TOP2A: variants seen among roughly 807,000 people sequenced by gnomAD.
The protein encoded by TOP2A is DNA topoisomerase 2-alpha.
Under a neutral mutation model 187.2 loss-of-function variants are expected in TOP2A, and 68 were observed. The ratio of observed to expected loss-of-function variants is 0.36; its 90% CI spans 0.30 to 0.44. The LOEUF (loss-of-function observed/expected upper bound fraction) is 0.44. Ranked by LOEUF, TOP2A falls within the 20% of genes least tolerant of loss-of-function variation. TOP2A has a pLI of 1.00. For missense variants in TOP2A, 1,196 were observed against 1,808.7 expected (o/e 0.66, Z 6.14); for synonymous variants, 542 against 593.2 (o/e 0.91, Z 1.25).
Position 40,391,606 on chromosome 17 carries a change from T to C in TOP2A, c.4167A>G (p.Pro1389=), listed in dbSNP as rs753732959. ...GTGTAGCAGGAGGGCTTGAAGACAG[T>C]GGTACACTGCCCTTAACATCATCAG... The part of the protein sequence containing the change: ...LEADDVKGSV[P]LSSSPPATHF... The change falls in exon 33 of 35, where the codon CCA becomes CCG. Residue 1389 remains proline, a synonymous_variant. Coordinates refer to ENST00000423485, the MANE Select transcript of TOP2A (RefSeq NM_001067.4). 5.0e-6 allele frequency: 8 copies of C among 1,611,356 alleles called. No homozygotes were observed. The highest frequency in any genetic ancestry group is 6.8e-6 in the Non-Finnish European group (8 of 1,178,814).
At chr17:40,396,920 C>G (rs533748408) in intron 27 of TOP2A, among the ~76,000 whole-genome samples, 61 of 145,314 alleles carry the variant, frequency 4.2e-4, no homozygotes, top group Middle Eastern at 3.6e-3. Flanking sequence ...TTTTAAGAGA[C>G]ACGCAGGCTG....
chr17:40,406,443 T>C lies in TOP2A; in HGVS notation c.1894A>G (p.Lys632Glu), dbSNP rs756175908. The change falls in exon 16 of 35, where the codon AAA becomes GAA. Residue 632 changes from lysine (K) to glutamate (E), a missense_variant. Physicochemically the swap from Lys to Glu is moderately conservative, Grantham distance 56 (BLOSUM62 1). This residue lies in a region of TOP2A where 209 missense variants were observed against 376.9 expected (regional missense o/e 0.55). Coordinates refer to ENST00000423485, the MANE Select transcript of TOP2A (RefSeq NM_001067.4). ...TATTTGAACTGGATACGATGTCTTT[T>C]CATATCTGCAAAGTATTCTTTAGCT... ...KEAKEYFADM[K>E]RHRIQFKYSG... The C allele has an allele frequency of 6.2e-7, 1 of 1,613,900 alleles. No individual in the cohort carries two copies. Among genetic ancestry groups the C allele is most frequent in the Non-Finnish European group, 8.5e-7 (1 of 1,179,828 alleles).
chr17:40,399,377 T>C, intron 24 of TOP2A: 1 of 447,682 alleles, frequency 2.2e-6, no homozygotes, highest in Non-Finnish European at 4.0e-6. Context: ...CTCTCACTCT[T>C]GTGTCCAGGC....
chr17:40,401,166 T>A (rs1276852053), intron 20 of TOP2A, 85 bp from the exon 21 acceptor site: 1 of 1,185,476 alleles, frequency 8.4e-7, no homozygotes, highest in Non-Finnish European at 1.2e-6. Flanking sequence ...GTATTATACA[T>A]GAAAATTATC....
chr17:40,393,566 A>G (rs553654305), intron 29 of TOP2A, among the ~76,000 whole-genome samples: 30 of 152,316 alleles, frequency 2.0e-4, no homozygotes, highest in African/African-American at 7.2e-4. Flanking sequence ...GACTCCATAC[A>G]TAAACCTTAA....
At chr17:40,398,258 C>A (rs2035128064) in intron 27 of TOP2A, among the ~76,000 whole-genome samples, 1 of 151,576 alleles carries the variant, frequency 6.6e-6, no homozygotes, top group Admixed American at 6.6e-5. Flanking sequence ...TATGCACCAT[C>A]ATGCCTGGCT....
Position 40,392,626 on chromosome 17 carries a change from A to G in TOP2A, c.3923T>C (p.Phe1308Ser), listed in dbSNP as rs1303771916. ...ESDRSSDESN[F>S]DVPPRETEPR... Reference sequence around the variant, plus strand: ...CTCTGTTTCTCGTGGAGGGACATCAAAATTACTTTCGTCACTGCTCCTATC... The same window carrying G: ...CTCTGTTTCTCGTGGAGGGACATCAGAATTACTTTCGTCACTGCTCCTATC... Residue 1308 changes from phenylalanine to serine, a missense_variant, in exon 30 of 35, where the codon TTT becomes TCT. By Grantham distance (155) the Phe-to-Ser change is radical (BLOSUM62 -2). Around this residue, in one of 10 missense-constraint regions of TOP2A, gnomAD observed 374 missense variants for 403.3 expected, o/e 0.93. Coordinates refer to ENST00000423485, the MANE Select transcript of TOP2A (RefSeq NM_001067.4). The G allele has an allele frequency of 6.2e-7, 1 of 1,613,018 alleles. No homozygotes were observed. The highest frequency in any genetic ancestry group is 1.3e-5 in the African/African-American group (1 of 74,850).
intron 19 of TOP2A, among the ~76,000 whole-genome samples, chr17:40,403,329 C>A (rs2035203786): frequency 6.6e-6 from 1 of 152,170 alleles, no homozygotes; most frequent in Non-Finnish European, 1.5e-5. Context: ...CTTTGTGTTA[C>A]AATGCTGTGT....
At chr17:40,396,048 T>C (rs2143634500) in intron 28 of TOP2A, among the ~76,000 whole-genome samples, 1 of 151,474 alleles carries the variant, frequency 6.6e-6, no homozygotes, top group Non-Finnish European at 1.5e-5. Context: ...GGTGTGACCT[T>C]GGCTCACTGC....
Position 40,390,128 on chromosome 17 carries a change from CT to C in TOP2A, c.4303del (p.Arg1435GlyfsTer13), listed in dbSNP as rs758129598. On this transcript the variant is annotated frameshift_variant, in exon 34 of 35. Transcript: ENST00000423485. LOFTEE classifies it high-confidence loss of function. ...CCTTTTAGTTCCTTTTGGGGCAGCC[CT>C]TTTTTTGGCACCGGTAGTGGAGGTG... Reference protein sequence around the residue: ...SSTSTTGAKKRAAPKGTKRDP... With the variant: ...SSTSTTGAKKXAAPKGTKRDP... 6 of 1,613,096 alleles carry C rather than the reference CT, an allele frequency of 3.7e-6. No homozygotes were observed. The highest frequency in any genetic ancestry group is 3.3e-5 in the South Asian group (3 of 90,924).
At position 40,396,405 on chromosome 17, in the gene TOP2A, C is replaced by A. The variant is rs778849461; in HGVS notation, c.3598G>T (p.Ala1200Ser). The change falls in exon 28 of 35, where the codon GCC becomes TCC. Residue 1200 changes from alanine to serine, a missense_variant. Ala to Ser is a moderately conservative substitution (Grantham distance 99). Coordinates refer to ENST00000423485, the MANE Select transcript of TOP2A (RefSeq NM_001067.4). ...QVGLPGKGGK[A>S]KGKKTQMAEV... ...GCCATTTGTGTTTTTTTCCCCTTGG[C>A]CTTCCCCCCTTTCCCAGGAAGTCCG... The A allele has an allele frequency of 5.0e-6, 8 of 1,613,780 alleles. No individual in the cohort carries two copies. In the Admixed American group the frequency reaches 5.0e-5, roughly 10 times the overall value.
chr17:40,389,651 A>G lies in TOP2A; in HGVS notation c.4468-4T>C, dbSNP rs1449176812. Reference sequence around the variant, plus strand: ...CATCACTCTCCCCCTTGGATTTCTAAAAGAGAAAAGCCCAGGTAACTTGCA... The same window carrying G: ...CATCACTCTCCCCCTTGGATTTCTAGAAGAGAAAAGCCCAGGTAACTTGCA... On this transcript the variant is annotated splice_region_variant and splice_polypyrimidine_tract_variant and intron_variant, in intron 34 of 34. Coordinates refer to ENST00000423485, the MANE Select transcript of TOP2A (RefSeq NM_001067.4). 1 of 1,607,462 alleles carries G rather than the reference A, an allele frequency of 6.2e-7. No homozygotes were observed. The highest frequency in any genetic ancestry group is 1.3e-5 in the African/African-American group (1 of 74,854).
chr17:40,411,425 G>A lies in TOP2A; in HGVS notation c.994C>T (p.Gln332Ter). 1 of 1,613,722 alleles carries A rather than the reference G, an allele frequency of 6.2e-7. No individual in the cohort carries two copies. The highest frequency in any genetic ancestry group is 8.5e-7 in the Non-Finnish European group (1 of 1,179,796). ...GGRHVDYVAD[Q>*]IVTKLVDVVK... ...ACATCAACAAGTTTAGTCACAATCT[G>A]ATCAGCTACATAATCAACATGTCTG... Residue 332 changes from glutamine to a stop codon, truncating the protein, a stop_gained, in exon 9 of 35, where the codon CAG becomes TAG. Coordinates refer to ENST00000423485, the MANE Select transcript of TOP2A (RefSeq NM_001067.4). LOFTEE classifies it high-confidence loss of function. This position sits in a 1 kb window ranked among gnomAD's most constrained non-coding sequence, Gnocchi z 4.4.
rs1178535646 is a variant in TOP2A at position 40,399,984 on chromosome 17, T to C, written c.3084A>G (p.Lys1028=). 1 of 1,613,304 alleles carries C rather than the reference T, an allele frequency of 6.2e-7. No homozygotes were observed. The highest frequency in any genetic ancestry group is 8.5e-7 in the Non-Finnish European group (1 of 1,179,678). The part of the protein sequence containing the change: ...ILRDFFELRL[K]YYGLRKEWLL... ...GCCATTCTTTTCTTAATCCATAATA[T>C]TTAAGTCTGAGTTCAAAAAAGTCTC... Residue 1028 remains lysine, a synonymous_variant, in exon 24 of 35, where the codon AAA becomes AAG. Coordinates refer to ENST00000423485, the MANE Select transcript of TOP2A (RefSeq NM_001067.4).
rs768440672 is a variant in TOP2A, at chr17:40,411,573, T to C, written c.963+72A>G. 6.4e-7 allele frequency: 1 copy of C among 1,558,496 alleles called. No individual in the cohort carries two copies. ...GCTAGCCCAATATTCAAGTCCACTT[T>C]ATATATTAAAAACAATAAGAACACA... On this transcript the variant is annotated intron_variant, in intron 8 of 34. Transcript: ENST00000423485. The surrounding 1 kb of genome is among the most constrained non-coding windows in gnomAD (Gnocchi z 4.4).
Position 40,412,988 on chromosome 17 carries a change from T to C in TOP2A, c.577-17A>G, listed in dbSNP as rs754698922. On this transcript the variant is annotated splice_polypyrimidine_tract_variant and intron_variant, in intron 6 of 34. Transcript: ENST00000423485. Reference sequence around the variant, plus strand: ...CATCCATGTCTATGGAAGTAAAGAATAGGAAACATGAAAAATTCAAGTCAT... The same window carrying C: ...CATCCATGTCTATGGAAGTAAAGAACAGGAAACATGAAAAATTCAAGTCAT... The C allele has an allele frequency of 3.1e-6, 5 of 1,588,298 alleles. No homozygotes were observed. The highest frequency in any genetic ancestry group is 4.5e-5 in the East Asian group (2 of 44,620).
chr17:40,412,641 C>A, intron 7 of TOP2A, 118 bp downstream of exon 7: 1 of 887,892 alleles, frequency 1.1e-6, no homozygotes, highest in Non-Finnish European at 1.7e-6. Context: ...GAGACTCTGT[C>A]TCAAACAAAC....
chr17:40,389,912 T>A (rs566442603), intron 34 of TOP2A, 53 bp downstream of exon 34: 1 of 1,528,732 alleles, frequency 6.5e-7, no homozygotes, highest in East Asian at 2.3e-5. Context: ...AATGGCTTAG[T>A]TACGTGTTTC....
chr17:40,417,526 G>A (rs1433504140), intron 1 of TOP2A: 3 of 1,419,988 alleles, frequency 2.1e-6, no homozygotes, highest in Admixed American at 2.9e-5. Flanking sequence ...GGGACCAACG[G>A]ACTCCTGCCC....
Sources: allele counts gnomAD v4.1 joint callset (sites outside exome capture counted in the v4.1 genomes callset), GRCh38; gene constraint gnomAD v4.1.1; regional missense constraint gnomAD v4.1.1; non-coding constraint Gnocchi (gnomAD v3.1); transcripts MANE v1.5; gene names NCBI Gene and HGNC (gene_info 2026-07-23, HGNC 2026-07-21).